Variants in DLG2 observed in about 807,000 individuals in gnomAD.
The protein encoded by DLG2 is discs large MAGUK scaffold protein 2.
Under a neutral mutation model 132.5 loss-of-function variants are expected in DLG2, and 45 were observed. The observed-to-expected ratio is 0.34, with a 90% CI of 0.27 to 0.44. The LOEUF (loss-of-function observed/expected upper bound fraction) is 0.44, where lower values mean the gene tolerates loss of function less well. Ranked by LOEUF, DLG2 falls within the 20% of genes least tolerant of loss-of-function variation. DLG2 has a pLI of 1.00. For synonymous variants in DLG2, 424 were observed against 419.6 expected (o/e 1.01, Z -0.13); for missense variants, 1,045 against 1,196.9 (o/e 0.87, Z 1.87).
At chr11:85,468,384 G>A (rs2092872351) in intron 3 of DLG2, among the ~76,000 whole-genome samples, 1 of 152,052 alleles carries the variant, frequency 6.6e-6, no homozygotes, top group African/African-American at 2.4e-5. Context: ...TGCTTCTCTA[G>A]TTCTTTTAAT....
chr11:85,239,652 T>C (rs1289930522), intron 4 of DLG2, among the ~76,000 whole-genome samples: 1 of 152,004 alleles, frequency 6.6e-6, no homozygotes, highest in East Asian at 1.9e-4. Flanking sequence ...TAAAAGTCTA[T>C]CCTATTTATA....
intron 4 of DLG2, among the ~76,000 whole-genome samples, chr11:85,257,292 A>G (rs1018111638): frequency 5.3e-5 from 8 of 152,250 alleles, no homozygotes; most frequent in Non-Finnish European, 8.8e-5. Context: ...GAGGGGTAAT[A>G]TTTCTTTGTC....
chr11:84,919,195 T>C (rs1435946603), intron 6 of DLG2, among the ~76,000 whole-genome samples: 1 of 152,164 alleles, frequency 6.6e-6, no homozygotes, highest in African/African-American at 2.4e-5. Context: ...TTAATTTGAT[T>C]GAGTTATTAC....
In DLG2 at chr11:85,113,416, G is replaced by C. The variant is rs569230362; in HGVS notation, c.283-1681C>G. Among the ~76,000 whole-genome samples, 30 of 152,056 alleles carry C rather than the reference G, an allele frequency of 2.0e-4. No homozygotes were observed. The South Asian group carries it at 4.8e-3, about 24-fold the overall frequency. On this transcript the variant is annotated intron_variant, in intron 5 of 27. Transcript: ENST00000376104. Reference sequence around the variant, plus strand: ...TCAACTTCTGCGGTGCTCAGCATGGGATAAAGAAAGATGGAAATGTGTGTT... The same window carrying C: ...TCAACTTCTGCGGTGCTCAGCATGGCATAAAGAAAGATGGAAATGTGTGTT...
chr11:84,415,703 T>C lies in DLG2; in HGVS notation c.519+118867A>G, dbSNP rs546786708. On this transcript the variant is annotated intron_variant, in intron 7 of 27. Coordinates refer to ENST00000376104, the MANE Select transcript of DLG2 (RefSeq NM_001142699.3). ...CCTCAGGCTTGACTCACTTTTTTGA[T>C]AGTCAAGATGGTAATCAGTGGGCAA... 2.0e-5 allele frequency among the ~76,000 whole-genome samples: 3 copies of C among 152,302 alleles called. No individual in the cohort carries two copies. The South Asian group carries it at 6.2e-4, about 32-fold the overall frequency.
At chr11:84,448,276 T>C (rs752093532) in intron 7 of DLG2, among the ~76,000 whole-genome samples, 16 of 152,032 alleles carry the variant, frequency 1.1e-4, no homozygotes. Flanking sequence ...TTGGAAGCAA[T>C]AGTCTTAGTT....
At chr11:85,595,471 C>T (rs754400826) in intron 3 of DLG2, among the ~76,000 whole-genome samples, 23 of 152,060 alleles carry the variant, frequency 1.5e-4, no homozygotes, top group Non-Finnish European at 3.1e-4. Context: ...AGTATTACCA[C>T]AAGATGTCAC....
intron 16 of DLG2, among the ~76,000 whole-genome samples, chr11:83,872,272 G>A (rs1007386744): frequency 2.6e-5 from 4 of 152,064 alleles, no homozygotes; most frequent in African/African-American, 9.7e-5. Context: ...CAAACAAATT[G>A]GCGAGTTGTA....
intron 7 of DLG2, among the ~76,000 whole-genome samples, chr11:84,251,723 C>T (rs1219142912): frequency 6.7e-6 from 1 of 148,454 alleles, no homozygotes; most frequent in Non-Finnish European, 1.5e-5. Context: ...GCTCACTCAG[C>T]CTCCGCCTCC....
intron 11 of DLG2, among the ~76,000 whole-genome samples, chr11:83,988,411 T>C (rs1277331779): frequency 1.3e-5 from 2 of 152,184 alleles, no homozygotes; most frequent in Admixed American, 1.3e-4. Flanking sequence ...TTTGGTTCCA[T>C]AAGAATTTTA....
At chr11:83,555,585 A>G (rs1013260965) in intron 19 of DLG2, among the ~76,000 whole-genome samples, 7 of 151,598 alleles carry the variant, frequency 4.6e-5, no homozygotes, top group Non-Finnish European at 1.0e-4. Flanking sequence ...TCTATGGGCA[A>G]TGTTTTCAAA....
intron 18 of DLG2, among the ~76,000 whole-genome samples, chr11:83,685,363 A>C (rs2079552146): frequency 6.6e-6 from 1 of 152,136 alleles, no homozygotes. Context: ...TGTTCTTATC[A>C]AGGTAAATGA....
chr11:85,074,021 C>T (rs773702604), intron 6 of DLG2, among the ~76,000 whole-genome samples: 2 of 151,734 alleles, frequency 1.3e-5, no homozygotes, highest in Non-Finnish European at 2.9e-5. Flanking sequence ...TTCAGGTTCT[C>T]ACAAGTGGGA....
chr11:85,419,977 G>A (rs1263006139), intron 3 of DLG2, among the ~76,000 whole-genome samples: 1 of 152,126 alleles, frequency 6.6e-6, no homozygotes, highest in Non-Finnish European at 1.5e-5. Context: ...TTCCTTTACT[G>A]GCAAGGAGTT....
At chr11:84,566,045 G>A (rs938686166) in intron 6 of DLG2, among the ~76,000 whole-genome samples, 3 of 147,690 alleles carry the variant, frequency 2.0e-5, no homozygotes, top group Admixed American at 6.9e-5. Context: ...TGCAACCTCC[G>A]CCTCCTGGGT....
chr11:83,460,896 A>G (rs991646547), intron 27 of DLG2, among the ~76,000 whole-genome samples: 4 of 152,142 alleles, frequency 2.6e-5, no homozygotes, highest in Non-Finnish European at 4.4e-5. Context: ...CTGATTCAAG[A>G]TATTTACAAA....
chr11:85,383,115 A>G (rs2086032742), intron 3 of DLG2, among the ~76,000 whole-genome samples: 1 of 152,188 alleles, frequency 6.6e-6, no homozygotes, highest in Non-Finnish European at 1.5e-5. Context: ...AATAATATAT[A>G]GTCTATCCAT....
intron 19 of DLG2, among the ~76,000 whole-genome samples, chr11:83,589,133 C>A (rs1406224070): frequency 6.7e-6 from 1 of 149,870 alleles, no homozygotes; most frequent in Non-Finnish European, 1.5e-5. Flanking sequence ...TCAGGAAATA[C>A]AGAGAATGCC....
chr11:84,372,152 G>A (rs916804692), intron 7 of DLG2, among the ~76,000 whole-genome samples: 5 of 152,122 alleles, frequency 3.3e-5, no homozygotes, highest in African/African-American at 1.2e-4. Context: ...TTGTACATAG[G>A]TGCATTAAAG....
Sources: gnomAD v4.1 joint callset for allele counts (sites outside exome capture counted in the v4.1 genomes callset) on GRCh38, gnomAD v4.1.1 for gene constraint, MANE v1.5 for transcripts, NCBI Gene and HGNC (gene_info 2026-07-23, HGNC 2026-07-21) for gene names.